Variants in SLC9A3 observed in about 807,000 individuals in gnomAD.
SLC9A3 encodes solute carrier family 9 member A3, also known as sodium/hydrogen exchanger 3.
In SLC9A3, 37 loss-of-function variants were observed where a neutral mutation model predicts 86.8. The observed-to-expected ratio is 0.43, with a 90% CI of 0.33 to 0.56. SLC9A3 has a LOEUF of 0.56. Among genes scored for constraint, SLC9A3 ranks in the 20% least tolerant of loss-of-function variants. The pLI, the probability that SLC9A3 is intolerant of heterozygous loss-of-function variation, is 0.06. For missense variants in SLC9A3, 1,011 were observed against 1,171.9 expected, an observed-to-expected ratio of 0.86 and a Z score of 2.00; for synonymous variants, 581 against 528.3, an observed-to-expected ratio of 1.10 and a Z score of -1.37.
At chr5:513,653 A>C (rs1425108571) in intron 1 of SLC9A3, among the ~76,000 whole-genome samples, 1 of 152,190 alleles carries the variant, frequency 6.6e-6, no homozygotes, top group Admixed American at 6.5e-5. Flanking sequence ...CAGCACACAC[A>C]TGCCACCTCC....
At chr5:488,031 G>A (rs1017209713) in intron 3 of SLC9A3, among the ~76,000 whole-genome samples, 1 of 152,266 alleles carries the variant, frequency 6.6e-6, no homozygotes, top group East Asian at 1.9e-4. Flanking sequence ...AGTCACAGAC[G>A]CTCTGGGGAC....
intron 1 of SLC9A3, among the ~76,000 whole-genome samples, chr5:492,571 G>A (rs1276003895): frequency 6.6e-6 from 1 of 152,098 alleles, no homozygotes; most frequent in Admixed American, 6.5e-5. Flanking sequence ...GAGAGTGCAG[G>A]GGCAGCTGCT....
chr5:472,953 C>T lies in SLC9A3; in HGVS notation c.*426G>A. 2 of 526,428 alleles carry T rather than the reference C, an allele frequency of 3.8e-6. 1 individual carries two copies. The highest frequency in any genetic ancestry group is 7.3e-5 in the East Asian group (2 of 27,420). The allele number at this position is 526,428 out of a possible 1,614,324, so 32.6% of individuals were successfully genotyped here. On this transcript the variant is annotated 3_prime_UTR_variant, in exon 17 of 17. Transcript: ENST00000264938. ...CCAGCCATGGCGCGCGGACCCTTCC[C>T]GCCGGCGGCGTCACAGCGGCGTCTC...
chr5:524,130 C>A lies in SLC9A3; in HGVS notation c.193G>T (p.Ala65Ser). 1 of 1,525,696 alleles carries A rather than the reference C, an allele frequency of 6.6e-7. No individual in the cohort carries two copies. The highest frequency in any genetic ancestry group is 1.4e-5 in the African/African-American group (1 of 70,076). 94.5% of individuals were successfully genotyped at this position (1,525,696 alleles called of 1,614,324 possible). Residue 65 changes from alanine (A) to serine (S), a missense_variant, in exon 1 of 17, where the codon GCC (alanine) becomes TCC (serine). Coordinates refer to ENST00000264938, the MANE Select transcript of SLC9A3 (RefSeq NM_004174.4). The part of the protein sequence containing the change: ...PYVIALWILV[A>S]SLAKIGFHLS... ...CACTTACCGATCTTGGCCAAGCTGG[C>A]CACGAGGATCCAGAGCGCGATGACG...
Position 472,786 on chromosome 5 carries a change from G to C in SLC9A3, c.*593C>G, listed in dbSNP as rs1208113046. The C allele has an allele frequency of 5.1e-6, 3 of 582,726 alleles. No individual in the cohort carries two copies. Among genetic ancestry groups the C allele is most frequent in the Non-Finnish European group, 9.7e-6 (3 of 308,084 alleles). The allele number at this position is 582,726 out of a possible 1,614,324, so 36.1% of individuals were successfully genotyped here. A position where few individuals can be genotyped will look rare whatever the true frequency, so the allele number is the denominator to read the frequency against. On this transcript the variant is annotated 3_prime_UTR_variant, in exon 17 of 17. Coordinates refer to ENST00000264938, the MANE Select transcript of SLC9A3 (RefSeq NM_004174.4). ...GGTCGGGCCCTGAGTCCTGGCGCTC[G>C]GGAGGTCCCTGAGTCGGTCCCCGAG... is the stretch of plus-strand genomic sequence containing the variant.
intron 1 of SLC9A3, among the ~76,000 whole-genome samples, chr5:516,956 A>G (rs764780956): frequency 6.6e-5 from 10 of 152,102 alleles, no homozygotes; most frequent in Non-Finnish European, 1.5e-4. Context: ...ATGGTTTTGG[A>G]TGAAGCTTAC....
At position 491,944 on chromosome 5, in the gene SLC9A3, G is replaced by A. The variant is rs148512186; in HGVS notation, c.339C>T (p.Thr113=). Residue 113 remains threonine, a synonymous_variant, in exon 2 of 17, where the codon ACC becomes ACT. Transcript: ENST00000264938. The surrounding 1 kb of genome is among the most constrained non-coding windows in gnomAD (Gnocchi z 9.2). Reference sequence around the variant, plus strand: ...GGGGCAGCAGGTAGAAGAAGAAGACGGTGGGCGTCAGTGTGAAGGACGCGA... The same window carrying A: ...GGGGCAGCAGGTAGAAGAAGAAGACAGTGGGCGTCAGTGTGAAGGACGCGA... ...DHIASFTLTP[T]VFFFYLLPPI... The A allele has an allele frequency of 1.0e-3, 1,675 of 1,610,744 alleles. 35 individuals are homozygous for A. Among genetic ancestry groups the A allele is most frequent in the East Asian group, 6.7e-3 (300 of 44,678 alleles).
chr5:475,545 T>G lies in SLC9A3; in HGVS notation c.2251+16A>C, dbSNP rs1484886097. ...CCACCCCTCCCTTAGCCACGACGCC[T>G]GTGCCCCGTCCCCACCTGCAGGGGA... On this transcript the variant is annotated intron_variant, in intron 15 of 16. Transcript: ENST00000264938. The G allele has an allele frequency of 6.7e-6, 10 of 1,484,588 alleles. No homozygotes were observed. The highest frequency in any genetic ancestry group is 9.2e-6 in the Non-Finnish European group (10 of 1,086,434). 92.0% of individuals were successfully genotyped at this position (1,484,588 alleles called of 1,614,324 possible).
intron 1 of SLC9A3, among the ~76,000 whole-genome samples, chr5:508,974 G>T (rs1305844946): frequency 6.6e-6 from 1 of 151,920 alleles, no homozygotes; most frequent in Non-Finnish European, 1.5e-5. Flanking sequence ...AGGCATGGTG[G>T]TGCTTTGCCT....
At chr5:504,291 C>T (rs1579810816) in intron 1 of SLC9A3, among the ~76,000 whole-genome samples, 3 of 152,148 alleles carry the variant, frequency 2.0e-5, no homozygotes, top group South Asian at 2.1e-4. Context: ...GCAGCCCCCG[C>T]GTCCCGTGAC....
At chr5:494,987 C>T (rs910424820) in intron 1 of SLC9A3, among the ~76,000 whole-genome samples, 1 of 152,130 alleles carries the variant, frequency 6.6e-6, no homozygotes, top group East Asian at 1.9e-4. Context: ...TGTCCAATAG[C>T]GCTTGTGGAG....
rs751811859 is a variant in SLC9A3 at position 476,218 on chromosome 5, T to G, written c.2051A>C (p.Glu684Ala). 30 of 1,613,588 alleles carry G rather than the reference T, an allele frequency of 1.9e-5. No homozygotes were observed. The highest frequency in any genetic ancestry group is 2.5e-5 in the Non-Finnish European group (29 of 1,179,946). Residue 684 changes from glutamate to alanine, a missense_variant, in exon 13 of 17, where the codon GAG (glutamate) becomes GCG (alanine). Transcript: ENST00000264938. ...NKKAAKLYKR[E>A]RAQKRRNSSI... Reference sequence around the variant, plus strand: ...CAGCCTTACCCGCTTCTGGGCACGCTCCCGCTTGTACAGCTTGGCCGCCTT... The same window carrying G: ...CAGCCTTACCCGCTTCTGGGCACGCGCCCGCTTGTACAGCTTGGCCGCCTT...
intron 1 of SLC9A3, among the ~76,000 whole-genome samples, chr5:513,117 G>A (rs888669095): frequency 6.6e-5 from 10 of 152,150 alleles, no homozygotes; most frequent in African/African-American, 9.7e-5. Context: ...GGAGGGGGGC[G>A]TGCACCTACT....
chr5:490,296 T>C (rs1303043113), intron 2 of SLC9A3, among the ~76,000 whole-genome samples: 1 of 77,022 alleles, frequency 1.3e-5, no homozygotes, highest in Non-Finnish European at 2.9e-5. Flanking sequence ...TGGAGGACGG[T>C]AGAGTCCAGC....
intron 8 of SLC9A3, 93 bp from the exon 9 acceptor site, chr5:481,728 C>CG (rs1739179009): frequency 1.9e-5 from 21 of 1,086,462 alleles, no homozygotes; most frequent in Middle Eastern, 2.4e-4. Flanking sequence ...GAGGAACCCA[C>CG]CAGCCCCCCT....
rs565173367 is a variant in SLC9A3, at chr5:475,506, T to TGG, written c.2251+53_2251+54dup. ...CTGGTCCAATGACCGAGCTCCCTCC[T>TGG]GGGGCGGCAGGAGCCACCCCTCCCT... On this transcript the variant is annotated intron_variant, in intron 15 of 16. Coordinates refer to ENST00000264938, the MANE Select transcript of SLC9A3 (RefSeq NM_004174.4). 806 of 1,052,872 alleles carry TGG rather than the reference T, an allele frequency of 7.7e-4. 2 individuals are homozygous for TGG. The highest frequency in any genetic ancestry group is 4.1e-4 in the South Asian group (30 of 73,632). The allele number at this position is 1,052,872 out of a possible 1,614,324, so 65.2% of individuals were successfully genotyped here.
chr5:500,127 G>A (rs1250199255), intron 1 of SLC9A3, among the ~76,000 whole-genome samples: 1 of 152,268 alleles, frequency 6.6e-6, no homozygotes, highest in Non-Finnish European at 1.5e-5. Context: ...GGTTGAAAGG[G>A]CAGAGGGTGT....
rs1242212286 is a variant in SLC9A3 at position 471,595 on chromosome 5, G to A, written c.*1784C>T. On this transcript the variant is annotated 3_prime_UTR_variant, in exon 17 of 17. Coordinates refer to ENST00000264938, the MANE Select transcript of SLC9A3 (RefSeq NM_004174.4). ...GTGGCTGCAGCAGGGAACCAGGGCTGGCCTTGGATCTGTCCAGTAGGGTCA... is the reference window on the plus strand; with the variant it reads ...GTGGCTGCAGCAGGGAACCAGGGCTAGCCTTGGATCTGTCCAGTAGGGTCA... The A allele has an allele frequency of 1.4e-5, 5 of 360,124 alleles. No individual in the cohort carries two copies. The highest frequency in any genetic ancestry group is 7.3e-5 in the Admixed American group (2 of 27,402). The allele number at this position is 360,124 out of a possible 1,614,324, so 22.3% of individuals were successfully genotyped here.
chr5:517,792 G>A (rs1021733611), intron 1 of SLC9A3, among the ~76,000 whole-genome samples: 8 of 114,858 alleles, frequency 7.0e-5, no homozygotes, highest in African/African-American at 1.0e-4. Flanking sequence ...TCCATTCACC[G>A]AAACCATCCA....
Sources: gnomAD v4.1 joint callset for allele counts (sites outside exome capture counted in the v4.1 genomes callset) on GRCh38, gnomAD v4.1.1 for gene constraint, Gnocchi (gnomAD v3.1) non-coding constraint, MANE v1.5 for transcripts, NCBI Gene and HGNC (gene_info 2026-07-23, HGNC 2026-07-21) for gene names.